Variants in B3GALT1 observed in about 807,000 individuals in gnomAD.
B3GALT1 encodes the protein UDP-Gal:betaGlcNAc beta 1,3-galactosyltransferase, polypeptide 1.
B3GALT1 carries 10 observed loss-of-function variants against 23.2 expected under a neutral mutation model. The observed-to-expected ratio is 0.43, with a 90% CI of 0.27 to 0.73. The LOEUF is 0.73. B3GALT1 is among the 30% of genes least tolerant of loss of function. The probability of loss-of-function intolerance (pLI) is 0.21; values close to 1 mark genes in which losing one functional copy is unlikely to be tolerated. For missense variants in B3GALT1, 299 were observed against 405.4 expected, an observed-to-expected ratio of 0.74 and a Z score of 2.25; for synonymous variants, 156 against 141.5, an observed-to-expected ratio of 1.10 and a Z score of -0.73.
chr2:167,525,492 T>C (rs948294891), intron 2 of B3GALT1, among the ~76,000 whole-genome samples: 10 of 152,146 alleles, frequency 6.6e-5, no homozygotes, highest in Non-Finnish European at 1.5e-4. Context: ...CACTTATATA[T>C]TTATTCAGTC....
chr2:167,365,012 T>A (rs773839147), intron 1 of B3GALT1, among the ~76,000 whole-genome samples: 1 of 152,174 alleles, frequency 6.6e-6, no homozygotes, highest in South Asian at 2.1e-4. Context: ...GTTTGAAATA[T>A]AACAGCAAGA....
In B3GALT1 at chr2:167,328,899, G is replaced by A. The variant is rs566260145; in HGVS notation, c.-511+35565G>A. ...ATGATCGCAGCTCACTGCAAGCTCCGCCTCCTAGATTCAAACAATTCTCTT... is the reference window on the plus strand; with the variant it reads ...ATGATCGCAGCTCACTGCAAGCTCCACCTCCTAGATTCAAACAATTCTCTT... On this transcript the variant is annotated intron_variant, in intron 1 of 4. Coordinates refer to ENST00000392690, the MANE Select transcript of B3GALT1 (RefSeq NM_020981.4). Among the ~76,000 whole-genome samples the A allele has an allele frequency of 3.4e-4, 52 of 152,056 alleles. 1 individual carries two copies. The South Asian group carries it at 8.5e-3, about 25-fold the overall frequency.
intron 1 of B3GALT1, among the ~76,000 whole-genome samples, chr2:167,488,997 C>G (rs539782056): frequency 6.6e-6 from 1 of 151,914 alleles, no homozygotes; most frequent in Non-Finnish European, 1.5e-5. Context: ...TACTTTGTGT[C>G]TCCTTGGAGG....
At chr2:167,830,931 G>A (rs1009365718) in intron 4 of B3GALT1, among the ~76,000 whole-genome samples, 2 of 152,202 alleles carry the variant, frequency 1.3e-5, no homozygotes, top group Admixed American at 1.3e-4. Flanking sequence ...CACACCAGTT[G>A]TAAGAACATG....
intron 2 of B3GALT1, among the ~76,000 whole-genome samples, chr2:167,585,803 G>C (rs1293470651): frequency 6.6e-6 from 1 of 151,982 alleles, no homozygotes; most frequent in African/African-American, 2.4e-5. Flanking sequence ...ATAATTTTCG[G>C]AATAATACCT....
intron 3 of B3GALT1, among the ~76,000 whole-genome samples, chr2:167,666,786 T>C (rs1245777264): frequency 2.0e-5 from 3 of 152,212 alleles, no homozygotes. Flanking sequence ...TGCCTTTTTT[T>C]GCTTTCCATT....
intron 4 of B3GALT1, among the ~76,000 whole-genome samples, chr2:167,839,207 G>A (rs1390948273): frequency 5.3e-5 from 8 of 152,140 alleles, no homozygotes; most frequent in African/African-American, 1.9e-4. Context: ...GAAATAAAGG[G>A]TATTCAATTA....
chr2:167,381,322 A>G lies in B3GALT1; in HGVS notation c.-511+87988A>G, dbSNP rs190267818. 8.5e-5 allele frequency among the ~76,000 whole-genome samples: 13 copies of G among 152,192 alleles called. No individual in the cohort carries two copies. In the East Asian group the frequency reaches 2.3e-3, roughly 27 times the overall value. On this transcript the variant is annotated intron_variant, in intron 1 of 4. Transcript: ENST00000392690. ...GCAATCCTTCTGCCTTGGCCTCCCA[A>G]AGTGCTGAGATTATAGGCGTGAGCT...
chr2:167,644,576 C>T (rs1009747953), intron 2 of B3GALT1, among the ~76,000 whole-genome samples: 2 of 151,904 alleles, frequency 1.3e-5, no homozygotes, highest in Admixed American at 6.6e-5. Context: ...GTCAGGAGAT[C>T]GAGACCATCC....
chr2:167,521,742 C>T (rs1700190588), intron 2 of B3GALT1, among the ~76,000 whole-genome samples: 1 of 151,860 alleles, frequency 6.6e-6, no homozygotes, highest in Admixed American at 6.6e-5. Flanking sequence ...CCTCTACTAC[C>T]ATTATTTTAA....
chr2:167,676,188 T>A (rs1686421731), intron 3 of B3GALT1, among the ~76,000 whole-genome samples: 1 of 152,042 alleles, frequency 6.6e-6, no homozygotes, highest in Non-Finnish European at 1.5e-5. Context: ...CACACGCTGT[T>A]CTCAACACTC....
chr2:167,328,107 T>C (rs1696924235), intron 1 of B3GALT1, among the ~76,000 whole-genome samples: 1 of 152,134 alleles, frequency 6.6e-6, no homozygotes, highest in Non-Finnish European at 1.5e-5. Context: ...CAAAGTGTTG[T>C]TGAGTTAGGT....
At chr2:167,336,022 G>A (rs149000730) in intron 1 of B3GALT1, among the ~76,000 whole-genome samples, 1 of 151,830 alleles carries the variant, frequency 6.6e-6, no homozygotes. Flanking sequence ...AAAAAAAAAC[G>A]ATATTTTGCA....
Position 167,332,518 on chromosome 2 carries a change from G to A in B3GALT1, c.-511+39184G>A, listed in dbSNP as rs556573929. 2.6e-5 allele frequency among the ~76,000 whole-genome samples: 4 copies of A among 152,340 alleles called. No homozygotes were observed. In the South Asian group the frequency reaches 8.3e-4, roughly 32 times the overall value. ...AGGAAAATGATACAATATAGCAACA[G>A]CATTTAGTTAAGGATATGTGTCACA... is the stretch of plus-strand genomic sequence containing the variant. On this transcript the variant is annotated intron_variant, in intron 1 of 4. Transcript: ENST00000392690.
At chr2:167,691,208 C>A (rs765344935) in intron 3 of B3GALT1, among the ~76,000 whole-genome samples, 8 of 152,074 alleles carry the variant, frequency 5.3e-5, no homozygotes, top group Non-Finnish European at 1.0e-4. Context: ...TTTCCTTCTT[C>A]AGAGCTGGTC....
intron 3 of B3GALT1, among the ~76,000 whole-genome samples, chr2:167,748,972 G>A (rs1687692963): frequency 6.6e-6 from 1 of 152,112 alleles, no homozygotes; most frequent in Admixed American, 6.6e-5. Flanking sequence ...GATTCAAGTA[G>A]AAGTAGTTGG....
chr2:167,766,459 C>T (rs892649360), intron 3 of B3GALT1, among the ~76,000 whole-genome samples: 2 of 152,236 alleles, frequency 1.3e-5, no homozygotes, highest in African/African-American at 2.4e-5. Flanking sequence ...ACATAAGCTC[C>T]GTGACGTTCA....
At chr2:167,364,748 A>G (rs1039851453) in intron 1 of B3GALT1, among the ~76,000 whole-genome samples, 2 of 152,198 alleles carry the variant, frequency 1.3e-5, no homozygotes, top group East Asian at 3.8e-4. Context: ...ACACCCAGAT[A>G]GAAGTTGTGC....
intron 1 of B3GALT1, among the ~76,000 whole-genome samples, chr2:167,348,958 G>T (rs1048825240): frequency 6.6e-6 from 1 of 152,124 alleles, no homozygotes; most frequent in Non-Finnish European, 1.5e-5. Flanking sequence ...TTGCAGTAGT[G>T]AGCAGAGGAT....
Sources: allele counts gnomAD v4.1 joint callset (sites outside exome capture counted in the v4.1 genomes callset), GRCh38; gene constraint gnomAD v4.1.1; transcripts MANE v1.5; gene names NCBI Gene and HGNC (gene_info 2026-07-23, HGNC 2026-07-21).